The following CFAP46 variants were observed in gnomAD, a reference collection of about 807,000 sequenced individuals.
CFAP46 encodes the protein cilia and flagella associated protein 46.
CFAP46 carries 245 observed loss-of-function variants against 325.7 expected under a neutral mutation model. The ratio of observed to expected loss-of-function variants is 0.75; its 90% CI spans 0.68 to 0.84. The LOEUF (loss-of-function observed/expected upper bound fraction) is 0.84. Among genes scored for constraint, CFAP46 ranks in the 40% least tolerant of loss-of-function variants. The probability of loss-of-function intolerance (pLI) is 0.00; values close to 1 mark genes in which losing one functional copy is unlikely to be tolerated. For synonymous variants in CFAP46, 1,523 were observed against 1,495.9 expected (o/e 1.02, Z -0.42); for missense variants, 3,346 against 3,543.0 (o/e 0.94, Z 1.41).
chr10:132,887,190 CTCCTCTCTCCTCTTCTT>C lies in CFAP46; in HGVS notation c.3305-1248_3305-1232del, dbSNP rs1487782212. On this transcript the variant is annotated intron_variant, in intron 25 of 57. Coordinates refer to ENST00000368586, the MANE Select transcript of CFAP46 (RefSeq NM_001200049.3). ...TTCTTTCCTCTCCCCTCTTCTCTCT[CTCCTCTCTCCTCTTCTT>C]TCCTCTCCCCTCTTCTCTCTCTCCT... Among the ~76,000 whole-genome samples the C allele has an allele frequency of 1.1e-3, 97 of 89,612 alleles. 2 individuals carry two copies. The highest frequency in any genetic ancestry group is 2.9e-3 in the South Asian group (7 of 2,456). 58.8% of individuals were successfully genotyped at this position (89,612 alleles called of 152,430 possible).
chr10:132,941,214 T>G (rs1850095688), intron 3 of CFAP46, among the ~76,000 whole-genome samples, 154 bp from the exon 4 acceptor site: 1 of 152,032 alleles, frequency 6.6e-6, no homozygotes, highest in Non-Finnish European at 1.5e-5. Context: ...ACAGCCTGAG[T>G]GTCGTGGCGA....
intron 22 of CFAP46, among the ~76,000 whole-genome samples, chr10:132,907,222 G>A (rs955027710): frequency 2.0e-5 from 3 of 152,232 alleles, no homozygotes; most frequent in African/African-American, 4.8e-5. Context: ...TCATCTTCCA[G>A]GATTATTAGA....
At chr10:132,925,861 C>T (rs1239266430) in intron 10 of CFAP46, among the ~76,000 whole-genome samples, 1 of 152,206 alleles carries the variant, frequency 6.6e-6, no homozygotes, top group East Asian at 1.9e-4. Context: ...GGCACTGACC[C>T]GCACGCCCCT....
At chr10:132,940,469 G>T (rs1850079893) in intron 4 of CFAP46, among the ~76,000 whole-genome samples, 1 of 152,192 alleles carries the variant, frequency 6.6e-6, no homozygotes, top group Admixed American at 6.5e-5. Flanking sequence ...AGCGGCCTTG[G>T]CCAAGTTGTC....
chr10:132,918,465 C>T lies in CFAP46; in HGVS notation c.1914G>A (p.Glu638=). The T allele has an allele frequency of 6.5e-7, 1 of 1,548,578 alleles. No individual in the cohort carries two copies. Among genetic ancestry groups the T allele is most frequent in the Non-Finnish European group, 8.7e-7 (1 of 1,145,416 alleles). The change falls in exon 16 of 58, where the codon GAG becomes GAA. Residue 638 remains glutamate (E), a synonymous_variant. Coordinates refer to ENST00000368586, the MANE Select transcript of CFAP46 (RefSeq NM_001200049.3). Reference sequence around the variant, plus strand: ...GGCACACCTGCCTCTGCAGGACGACCTCAGGCTGGCTCCAGGTGTCCTGCA... The same window carrying T: ...GGCACACCTGCCTCTGCAGGACGACTTCAGGCTGGCTCCAGGTGTCCTGCA... The part of the protein sequence containing the change: ...GSVQDTWSQP[E]VVLQRQVCPD...
chr10:132,839,412 G>A (rs183005582), intron 44 of CFAP46, among the ~76,000 whole-genome samples: 12 of 152,284 alleles, frequency 7.9e-5, no homozygotes, highest in Admixed American at 3.9e-4. Context: ...GTGAACCCTC[G>A]GCCACAGAGA....
At chr10:132,872,575 T>A (rs1240800900) in intron 32 of CFAP46, 101 bp downstream of exon 32, 2 of 1,355,540 alleles carry the variant, frequency 1.5e-6, no homozygotes, top group African/African-American at 2.9e-5. Flanking sequence ...CCCAGGGACT[T>A]TATTATTTAC....
rs539587086 is a variant in CFAP46, at chr10:132,825,912, G to A, written c.7117+7446C>T. Reference sequence around the variant, plus strand: ...GCAGACAGACAGGGTGTCTGGTAACGGGGGGTGGGGCAGATAAATTGTGGT... The same window carrying A: ...GCAGACAGACAGGGTGTCTGGTAACAGGGGGTGGGGCAGATAAATTGTGGT... On this transcript the variant is annotated intron_variant, in intron 50 of 57. Coordinates refer to ENST00000368586, the MANE Select transcript of CFAP46 (RefSeq NM_001200049.3). 2.3e-4 allele frequency among the ~76,000 whole-genome samples: 35 copies of A among 152,278 alleles called. No individual in the cohort carries two copies. In the South Asian group the frequency reaches 5.0e-3, roughly 22 times the overall value.
chr10:132,881,406 C>G (rs1340945551), intron 27 of CFAP46, among the ~76,000 whole-genome samples: 2 of 152,182 alleles, frequency 1.3e-5, no homozygotes, highest in African/African-American at 4.8e-5. Flanking sequence ...CTCTGGGTGG[C>G]TCTGTGGGCA....
chr10:132,844,452 C>A (rs919093127), intron 44 of CFAP46, among the ~76,000 whole-genome samples: 10 of 152,166 alleles, frequency 6.6e-5, no homozygotes, highest in African/African-American at 2.4e-4. Context: ...TGAGGCTCTG[C>A]CATTCGCCAG....
chr10:132,940,163 G>C (rs1850074014), intron 4 of CFAP46, among the ~76,000 whole-genome samples: 1 of 152,146 alleles, frequency 6.6e-6, no homozygotes, highest in Admixed American at 6.5e-5. Flanking sequence ...TACATCCCCA[G>C]CACTTGCAAC....
At chr10:132,810,891 G>A (rs571309513) in intron 56 of CFAP46, 59 bp downstream of exon 56, 30 of 1,485,204 alleles carry the variant, frequency 2.0e-5, no homozygotes, top group African/African-American at 1.9e-4. Context: ...TCCCACGCCC[G>A]TCTGTCTGAC....
In CFAP46 at chr10:132,810,395, C is replaced by T. The variant is rs1309200411; in HGVS notation, c.7664+14G>A. The T allele has an allele frequency of 8.1e-6, 13 of 1,612,248 alleles. No individual in the cohort carries two copies. Among genetic ancestry groups the T allele is most frequent in the African/African-American group, 2.7e-5 (2 of 74,922 alleles). ...GTGCTGAAGGCCGCGGGGTGCAGGC[C>T]GCCCCTCCCTTACCTTGGTTCACCG... is the stretch of plus-strand genomic sequence containing the variant. On this transcript the variant is annotated intron_variant, in intron 57 of 57. Transcript: ENST00000368586.
At chr10:132,935,144 G>T (rs1211876637) in intron 7 of CFAP46, among the ~76,000 whole-genome samples, 9 of 152,054 alleles carry the variant, frequency 5.9e-5, no homozygotes, top group Non-Finnish European at 1.3e-4. Flanking sequence ...CCAAACACGG[G>T]AAATGTGGGG....
chr10:132,934,522 GC>G (rs1372167180), intron 8 of CFAP46, among the ~76,000 whole-genome samples: 1 of 152,194 alleles, frequency 6.6e-6, no homozygotes, highest in Non-Finnish European at 1.5e-5. Flanking sequence ...CCATCCATAT[GC>G]CTACAAACTA....
In CFAP46 at chr10:132,869,596, G is replaced by A. The variant is rs763411590; in HGVS notation, c.4512-224C>T. Among the ~76,000 whole-genome samples, 25 of 152,204 alleles carry A rather than the reference G, an allele frequency of 1.6e-4. No homozygotes were observed. The highest frequency in any genetic ancestry group is 2.1e-4 in the Non-Finnish European group (14 of 68,032). ...CTTCTCCCGCTCCTTCACAGATCTC[G>A]TGCGAGGCATTATCTGTTGCCTCCT... On this transcript the variant is annotated intron_variant, in intron 32 of 57. Coordinates refer to ENST00000368586, the MANE Select transcript of CFAP46 (RefSeq NM_001200049.3). This position sits in a 1 kb window ranked among gnomAD's most constrained non-coding sequence, Gnocchi z 6.2.
rs1227433147 is a variant in CFAP46 at position 132,939,946 on chromosome 10, T to C, written c.371+1050A>G. Among the ~76,000 whole-genome samples, 2 of 152,104 alleles carry C rather than the reference T, an allele frequency of 1.3e-5. No homozygotes were observed. The highest frequency in any genetic ancestry group is 4.8e-5 in the African/African-American group (2 of 41,410). On this transcript the variant is annotated intron_variant, in intron 4 of 57. Coordinates refer to ENST00000368586, the MANE Select transcript of CFAP46 (RefSeq NM_001200049.3). The surrounding 1 kb of genome is among the most constrained non-coding windows in gnomAD (Gnocchi z 4.6). ...CAACCTGGACCCTTCCCAAAGATGGTCCTGACCTCTGGCAAGGCTCTGTCA... is the reference window on the plus strand; with the variant it reads ...CAACCTGGACCCTTCCCAAAGATGGCCCTGACCTCTGGCAAGGCTCTGTCA...
chr10:132,836,209 C>T lies in CFAP46; in HGVS notation c.6546G>A (p.Leu2182=), dbSNP rs778319135. Residue 2182 remains leucine (L), a synonymous_variant, in exon 46 of 58, where the codon CTG becomes CTA. Coordinates refer to ENST00000368586, the MANE Select transcript of CFAP46 (RefSeq NM_001200049.3). ...TGGGTTTCTCGTAGGCAGCGCCGTA[C>T]AGACGGGACCTGCTGGCAGGACGTG... The part of the protein sequence containing the change: ...FLHLSGDRSR[L]YGAAYEKPKF... The T allele has an allele frequency of 1.9e-6, 3 of 1,611,498 alleles. No homozygotes were observed. The highest frequency in any genetic ancestry group is 3.3e-4 in the Middle Eastern group (2 of 6,060).
At chr10:132,938,832 T>A in intron 4 of CFAP46, 79 bp from the exon 5 acceptor site, 2 of 1,408,830 alleles carry the variant, frequency 1.4e-6, no homozygotes, top group South Asian at 2.6e-5. Context: ...GGCCGCTGTG[T>A]CTCCGGAGCC....
Sources: gnomAD v4.1 joint callset for allele counts (sites outside exome capture counted in the v4.1 genomes callset) on GRCh38, gnomAD v4.1.1 for gene constraint, Gnocchi (gnomAD v3.1) non-coding constraint, MANE v1.5 for transcripts, NCBI Gene and HGNC (gene_info 2026-07-23, HGNC 2026-07-21) for gene names.